Variants in LINGO2 observed in about 807,000 individuals in gnomAD.
LINGO2 encodes leucine rich repeat and Ig domain containing 2, also known as leucine-rich repeat and immunoglobulin-like domain-containing nogo receptor-interacting protein 2.
In LINGO2, 14 loss-of-function variants were observed where a neutral mutation model predicts 30.6. The observed-to-expected ratio is 0.46, with a 90% CI of 0.30 to 0.72. The LOEUF (loss-of-function observed/expected upper bound fraction) is 0.72. LINGO2 is among the 30% of genes least tolerant of loss of function. The pLI is 0.07. For missense variants in LINGO2, 729 were observed against 751.7 expected (o/e 0.97, Z 0.35); for synonymous variants, 317 against 288.5 (o/e 1.10, Z -1.00).
At chr9:29,093,629 G>A in the LINGO2 span, among the ~76,000 whole-genome samples, 3 of 135,700 alleles carry the variant, frequency 2.2e-5, 1 homozygote, top group East Asian at 7.5e-4. Context: ...TAATTAATAA[G>A]ATAATATCCC....
chr9:29,187,648 C>T, the LINGO2 span, among the ~76,000 whole-genome samples: 5 of 152,100 alleles, frequency 3.3e-5, 1 homozygote, highest in Admixed American at 3.3e-4. Flanking sequence ...GTGGGAAATA[C>T]ATCAAATCTA....
chr9:28,736,969 T>C, the LINGO2 span, among the ~76,000 whole-genome samples: 2 of 152,134 alleles, frequency 1.3e-5, no homozygotes, highest in African/African-American at 4.8e-5. Flanking sequence ...CCCAAGGGGA[T>C]CATGCCCTCC....
the LINGO2 span, among the ~76,000 whole-genome samples, chr9:29,194,314 C>G: frequency 6.6e-6 from 1 of 152,234 alleles, no homozygotes; most frequent in South Asian, 2.1e-4. Context: ...GTTCAGGAGG[C>G]CACAGGCTGT....
intron 1 of LINGO2, among the ~76,000 whole-genome samples, chr9:28,638,143 A>T (rs2135918842): frequency 1.3e-5 from 2 of 152,268 alleles, no homozygotes; most frequent in South Asian, 4.1e-4. Flanking sequence ...GCATATGTTG[A>T]ACCAGCCTTG....
At chr9:28,162,289 T>C (rs937854295) in intron 4 of LINGO2, among the ~76,000 whole-genome samples, 10 of 152,312 alleles carry the variant, frequency 6.6e-5, no homozygotes, top group African/African-American at 2.4e-4. Flanking sequence ...CAATAAACAT[T>C]CAATCTTTTA....
At chr9:28,552,639 T>A (rs2135509132) in intron 1 of LINGO2, among the ~76,000 whole-genome samples, 1 of 151,740 alleles carries the variant, frequency 6.6e-6, no homozygotes, top group East Asian at 1.9e-4. Flanking sequence ...TGGGAACTTT[T>A]TATGATTTTT....
chr9:28,974,991 T>G, the LINGO2 span, among the ~76,000 whole-genome samples: 1 of 152,088 alleles, frequency 6.6e-6, no homozygotes, highest in East Asian at 1.9e-4. Context: ...ATGAGTAATT[T>G]GAAATATCTG....
intron 4 of LINGO2, among the ~76,000 whole-genome samples, chr9:28,156,800 A>G (rs1211866431): frequency 6.6e-6 from 1 of 152,246 alleles, no homozygotes; most frequent in African/African-American, 2.4e-5. Context: ...GCCCCATGGC[A>G]GTCTGAAATC....
intron 4 of LINGO2, among the ~76,000 whole-genome samples, chr9:28,285,224 G>A (rs755168237): frequency 4.0e-5 from 6 of 149,932 alleles, no homozygotes; most frequent in Non-Finnish European, 5.9e-5. Flanking sequence ...CATTATCATC[G>A]TTATCATCAT....
At chr9:28,768,918 A>G in the LINGO2 span, among the ~76,000 whole-genome samples, 1 of 152,084 alleles carries the variant, frequency 6.6e-6, no homozygotes. Context: ...CAGCAGAATA[A>G]TAATACTATT....
At position 28,147,531 on chromosome 9, in the gene LINGO2, C is replaced by G. The variant is rs1029886378; in HGVS notation, c.-86-135126G>C. Among the ~76,000 whole-genome samples the G allele has an allele frequency of 6.6e-6, 1 of 152,152 alleles. No individual in the cohort carries two copies. Among genetic ancestry groups the G allele is most frequent in the East Asian group, 1.9e-4 (1 of 5,160 alleles). On this transcript the variant is annotated intron_variant, in intron 4 of 5. Coordinates refer to ENST00000379992, the Ensembl canonical transcript of LINGO2. The surrounding 1 kb of genome is among the most constrained non-coding windows in gnomAD (Gnocchi z 4.7). ...AGGCACTGGAGAGGCCCCGGGGGAG[C>G]CTGGCGGGATCTGGCTGGTCCTGTG... is the stretch of plus-strand genomic sequence containing the variant.
chr9:28,673,870 C>A (rs1358653527), upstream of LINGO2, among the ~76,000 whole-genome samples: 1 of 151,638 alleles, frequency 6.6e-6, no homozygotes, highest in Non-Finnish European at 1.5e-5. Flanking sequence ...CGTTTATAAA[C>A]AGAAGACAAA....
the LINGO2 span, among the ~76,000 whole-genome samples, chr9:29,066,345 C>A: frequency 8.6e-5 from 13 of 151,868 alleles, no homozygotes; most frequent in Non-Finnish European, 1.9e-4. Flanking sequence ...TCAGCATGTG[C>A]TTTGGCATGA....
chr9:28,256,124 T>C (rs1034917114), intron 4 of LINGO2, among the ~76,000 whole-genome samples: 1 of 152,030 alleles, frequency 6.6e-6, no homozygotes, highest in Non-Finnish European at 1.5e-5. Flanking sequence ...GAGACAGAGT[T>C]GTGACCACAC....
the LINGO2 span, among the ~76,000 whole-genome samples, chr9:28,793,208 A>G: frequency 6.6e-6 from 1 of 152,208 alleles, no homozygotes; most frequent in Non-Finnish European, 1.5e-5. Flanking sequence ...GAGGAAAAAG[A>G]AAATGACAAA....
the LINGO2 span, among the ~76,000 whole-genome samples, chr9:28,699,128 T>A: frequency 2.6e-5 from 4 of 152,000 alleles, no homozygotes; most frequent in African/African-American, 9.7e-5. Context: ...CTTTAACACA[T>A]CATTATCACC....
intron 4 of LINGO2, among the ~76,000 whole-genome samples, chr9:28,225,557 G>T (rs1225910800): frequency 6.6e-6 from 1 of 151,884 alleles, no homozygotes; most frequent in East Asian, 1.9e-4. Flanking sequence ...ATTTCTTAAT[G>T]AGAGAAAATA....
At chr9:28,642,717 A>T (rs1198996852) in intron 1 of LINGO2, among the ~76,000 whole-genome samples, 1 of 152,150 alleles carries the variant, frequency 6.6e-6, no homozygotes. Flanking sequence ...CAAGTGGCTT[A>T]TGACTCCTTC....
At chr9:28,423,245 G>A (rs1823278028) in intron 2 of LINGO2, among the ~76,000 whole-genome samples, 2 of 152,018 alleles carry the variant, frequency 1.3e-5, no homozygotes, top group South Asian at 4.1e-4. Flanking sequence ...GCTTGAAATG[G>A]AATATACAGT....
Sources: allele counts gnomAD v4.1 joint callset (sites outside exome capture counted in the v4.1 genomes callset), GRCh38; gene constraint gnomAD v4.1.1; non-coding constraint Gnocchi (gnomAD v3.1); transcripts MANE v1.5; gene names NCBI Gene and HGNC (gene_info 2026-07-23, HGNC 2026-07-21).